Variants in COL3A1 observed in about 807,000 individuals in gnomAD.
COL3A1 encodes the protein collagen alpha-1(III) chain.
A neutral mutation model predicts 200.9 loss-of-function variants in COL3A1; 46 were observed. The ratio of observed to expected loss-of-function variants is 0.23; its 90% CI spans 0.18 to 0.29. COL3A1 has a LOEUF of 0.29. Among genes scored for constraint, COL3A1 ranks in the 10% least tolerant of loss-of-function variants. The pLI is 1.00. For missense variants in COL3A1, 1,367 were observed against 1,917.6 expected, an observed-to-expected ratio of 0.71 and a Z score of 5.36; for synonymous variants, 650 against 628.0, an observed-to-expected ratio of 1.03 and a Z score of -0.52.
chr2:189,010,498 C>A, intron 49 of COL3A1, 133 bp downstream of exon 49: 2 of 1,468,172 alleles, frequency 1.4e-6, no homozygotes, highest in South Asian at 1.2e-5. Context: ...AAAGTGATGG[C>A]ATGCAATAAA....
chr2:189,009,904 C>G (rs1036666657), intron 48 of COL3A1, among the ~76,000 whole-genome samples: 2 of 152,072 alleles, frequency 1.3e-5, no homozygotes, highest in Admixed American at 6.5e-5. Flanking sequence ...AAAGGAGAGA[C>G]TTTTGCAAAT....
intron 5 of COL3A1, 130 bp from the exon 6 acceptor site, chr2:188,987,951 T>C (rs992864808): frequency 5.9e-5 from 43 of 728,418 alleles, no homozygotes; most frequent in Non-Finnish European, 2.5e-6. Flanking sequence ...TGAATAGTTA[T>C]CAAAAAGTTA....
At chr2:188,991,750 T>C (rs1284223524) in intron 13 of COL3A1, 28 bp downstream of exon 13, 2 of 1,612,692 alleles carry the variant, frequency 1.2e-6, no homozygotes, top group African/African-American at 2.7e-5. Flanking sequence ...CATCACACAA[T>C]TACAACCCAA....
rs527291598 is a variant in COL3A1 at position 188,994,576 on chromosome 2, C to A, written c.1329C>A (p.Pro443=). 3 of 1,613,932 alleles carry A rather than the reference C, an allele frequency of 1.9e-6. No individual in the cohort carries two copies. The Admixed American group carries it at 5.0e-5, about 27-fold the overall frequency. Reference sequence around the variant, plus strand: ...GTAAGAATGGTGCCAAAGGAGAGCCCGGACCACGTGGTGAACGCGTAAGTT... The same window carrying A: ...GTAAGAATGGTGCCAAAGGAGAGCCAGGACCACGTGGTGAACGCGTAAGTT... ...EPGKNGAKGE[P]GPRGERGEAG... is the part of the protein sequence containing the mutation. Residue 443 remains proline (P), a synonymous_variant, in exon 19 of 51, where the codon CCC becomes CCA. Transcript: ENST00000304636. This position sits in a 1 kb window ranked among gnomAD's most constrained non-coding sequence, Gnocchi z 4.5.
intron 41 of COL3A1, among the ~76,000 whole-genome samples, chr2:189,005,821 C>A (rs1181711965): frequency 6.6e-6 from 1 of 151,886 alleles, no homozygotes; most frequent in Non-Finnish European, 1.5e-5. Context: ...ATTAACAAAT[C>A]ATAATTGTAT....
intron 44 of COL3A1, 105 bp downstream of exon 44, chr2:189,007,095 GAATA>G: frequency 4.1e-6 from 1 of 244,930 alleles, no homozygotes; most frequent in Non-Finnish European, 7.3e-6. Flanking sequence ...AAAAAAGAAT[GAATA>G]TATATATATA....
chr2:189,002,950 T>C lies in COL3A1; in HGVS notation c.2446-5T>C, dbSNP rs1163013218. ...CTGAGAGATTGCTGTTGTTGTTGCA[T>C]GTAGGGACAGAATGGTGAACCTGGT... On this transcript the variant is annotated splice_polypyrimidine_tract_variant and splice_region_variant and intron_variant, in intron 35 of 50. Coordinates refer to ENST00000304636, the MANE Select transcript of COL3A1 (RefSeq NM_000090.4). 6.5e-7 allele frequency: 1 copy of C among 1,547,556 alleles called. No individual in the cohort carries two copies. Among genetic ancestry groups the C allele is most frequent in the Admixed American group, 2.0e-5 (1 of 50,984 alleles).
Position 188,998,310 on chromosome 2 carries a change from T to A in COL3A1, c.1968T>A (p.Pro656=). The change falls in exon 28 of 51, where the codon CCT becomes CCA. Residue 656 remains proline (P), a synonymous_variant. Transcript: ENST00000304636. Reference sequence around the variant, plus strand: ...GTCCTCCAGGAGAAAATGGAAAACCTGGGGAACCAGTAAGTTACGTTTCAT... The same window carrying A: ...GTCCTCCAGGAGAAAATGGAAAACCAGGGGAACCAGTAAGTTACGTTTCAT... ...TGGPPGENGK[P]GEPGPKGDAG... is the part of the protein sequence containing the mutation. 1.2e-6 allele frequency: 2 copies of A among 1,613,724 alleles called. No homozygotes were observed.
chr2:189,010,473 C>A, intron 49 of COL3A1, 108 bp downstream of exon 49: 1 of 1,492,376 alleles, frequency 6.7e-7, no homozygotes, highest in Non-Finnish European at 9.3e-7. Context: ...AACATAATTG[C>A]AGTTTTTGCT....
Position 188,990,128 on chromosome 2 carries a change from G to C in COL3A1, c.723G>C (p.Glu241Asp). Residue 241 changes from glutamate to aspartate, a missense_variant, in exon 9 of 51, where the codon GAG becomes GAC. Transcript: ENST00000304636. The stretch of plus-strand genomic sequence containing the variant: ...CAGGTAGACCCGGACGACCTGGAGA[G>C]CGAGGATTGCCTGGACCTCCAGTGA... The part of the protein sequence containing the change: ...GESGRPGRPG[E>D]RGLPGPPGIK... The C allele has an allele frequency of 6.2e-7, 1 of 1,613,700 alleles. No homozygotes were observed. The highest frequency in any genetic ancestry group is 8.5e-7 in the Non-Finnish European group (1 of 1,179,740).
chr2:188,988,112 C>T lies in COL3A1; in HGVS notation c.560C>T (p.Thr187Ile), dbSNP rs371583734. ...CCAGGCCCTCCCGGTCCCCCTGGTACATCTGGTCATCCTGGTTCCCCTGTA... is the reference window on the plus strand; with the variant it reads ...CCAGGCCCTCCCGGTCCCCCTGGTATATCTGGTCATCCTGGTTCCCCTGTA... Reference protein sequence around the residue: ...GPPGPPGPPGTSGHPGSPGSP... With the variant: ...GPPGPPGPPGISGHPGSPGSP... The change falls in exon 6 of 51, where the codon ACA (threonine) becomes ATA (isoleucine). Residue 187 changes from threonine to isoleucine, a missense_variant. This residue lies in a region of COL3A1 where 462 missense variants were observed against 681.4 expected (regional missense o/e 0.68). Coordinates refer to ENST00000304636, the MANE Select transcript of COL3A1 (RefSeq NM_000090.4). 3.4e-5 allele frequency: 55 copies of T among 1,612,970 alleles called. No homozygotes were observed. In the African/African-American group the frequency reaches 5.7e-4, roughly 17 times the overall value.
chr2:189,011,863 G>T lies in COL3A1; in HGVS notation c.*89G>T. 7.1e-7 allele frequency: 1 copy of T among 1,415,438 alleles called. No homozygotes were observed. The highest frequency in any genetic ancestry group is 1.4e-5 in the African/African-American group (1 of 70,388). The allele number at this position is 1,415,438 out of a possible 1,614,324, so 87.7% of individuals were successfully genotyped here. ...ATCTTGTCAACCAGTGCAAGTGACCGACAAAATTCCAGTTATTTATTTCCA... is the reference window on the plus strand; with the variant it reads ...ATCTTGTCAACCAGTGCAAGTGACCTACAAAATTCCAGTTATTTATTTCCA... On this transcript the variant is annotated 3_prime_UTR_variant, in exon 51 of 51. Coordinates refer to ENST00000304636, the MANE Select transcript of COL3A1 (RefSeq NM_000090.4).
At chr2:189,011,604 T>G (rs750421706) in intron 50 of COL3A1, 24 bp from the exon 51 acceptor site, 1 of 1,613,798 alleles carries the variant, frequency 6.2e-7, no homozygotes, top group Admixed American at 1.7e-5. Flanking sequence ...GTCATGATCA[T>G]GTACATTTTG....
chr2:188,995,558 G>A, intron 21 of COL3A1, 134 bp from the exon 22 acceptor site: 1 of 653,536 alleles, frequency 1.5e-6, no homozygotes. Flanking sequence ...CTGATTTTAT[G>A]TATAAATGTT....
At chr2:189,008,385 G>A (rs1576473112) in intron 47 of COL3A1, 1 of 534,170 alleles carries the variant, frequency 1.9e-6, no homozygotes, top group East Asian at 3.4e-5. Context: ...AATGACATCT[G>A]CCCAATTAAC....
chr2:188,996,457 G>A lies in COL3A1; in HGVS notation c.1722G>A (p.Gln574=). The change falls in exon 24 of 51, where the codon CAG becomes CAA. Residue 574 remains glutamine (Q), a synonymous_variant. Coordinates refer to ENST00000304636, the MANE Select transcript of COL3A1 (RefSeq NM_000090.4). ...GPPGPSGPRG[Q]PGVMGFPGPK... Reference sequence around the variant, plus strand: ...CTGGGCCATCTGGTCCCCGAGGTCAGCCTGGTGTCATGGGCTTCCCCGGTC... The same window carrying A: ...CTGGGCCATCTGGTCCCCGAGGTCAACCTGGTGTCATGGGCTTCCCCGGTC... 6.2e-7 allele frequency: 1 copy of A among 1,613,940 alleles called. No individual in the cohort carries two copies. Among genetic ancestry groups the A allele is most frequent in the Non-Finnish European group, 8.5e-7 (1 of 1,179,972 alleles).
rs1217198208 is a variant in COL3A1, at chr2:188,974,411, G to C, written c.-79G>C. ...GACGGGCCCGGTGCTGAAGGGCAGG[G>C]AACAACTTGATGGTGCTACTTTGAA... On this transcript the variant is annotated 5_prime_UTR_variant, in exon 1 of 51. Coordinates refer to ENST00000304636, the MANE Select transcript of COL3A1 (RefSeq NM_000090.4). The C allele has an allele frequency of 9.3e-7, 1 of 1,079,900 alleles. No individual in the cohort carries two copies. Among genetic ancestry groups the C allele is most frequent in the Non-Finnish European group, 1.4e-6 (1 of 708,616 alleles). 66.9% of individuals were successfully genotyped at this position (1,079,900 alleles called of 1,614,324 possible).
At chr2:188,979,755 T>A (rs1426205464) in intron 1 of COL3A1, among the ~76,000 whole-genome samples, 2 of 151,914 alleles carry the variant, frequency 1.3e-5, no homozygotes, top group African/African-American at 4.8e-5. Flanking sequence ...GCTTTGGAGT[T>A]GGCTTCTTTA....
At chr2:188,975,621 T>C (rs1400243705) in intron 1 of COL3A1, among the ~76,000 whole-genome samples, 2 of 152,140 alleles carry the variant, frequency 1.3e-5, no homozygotes. Flanking sequence ...TGCATGAAAA[T>C]TTGGTTTTTG....
Sources: gnomAD v4.1 joint callset for allele counts (sites outside exome capture counted in the v4.1 genomes callset) on GRCh38, gnomAD v4.1.1 for gene constraint, gnomAD v4.1.1 regional missense constraint, Gnocchi (gnomAD v3.1) non-coding constraint, MANE v1.5 for transcripts, NCBI Gene and HGNC (gene_info 2026-07-23, HGNC 2026-07-21) for gene names.